Variants in GALR2 observed in about 807,000 individuals in gnomAD.
GALR2 encodes galanin receptor type 2.
A neutral mutation model predicts 7.2 loss-of-function variants in GALR2; 5 were observed. The ratio of observed to expected loss-of-function variants is 0.69; its 90% CI spans 0.36 to 1.45. The LOEUF (loss-of-function observed/expected upper bound fraction) is 1.45, where lower values mean the gene tolerates loss of function less well. Among genes scored for constraint, GALR2 ranks in the 40% most tolerant of loss-of-function variants. GALR2 has a pLI of 0.03. For missense variants in GALR2, 561 were observed against 555.7 expected (o/e 1.01, Z -0.10); for synonymous variants, 300 against 263.9 (o/e 1.14, Z -1.32).
chr17:76,076,418 C>T lies in GALR2; in HGVS notation c.369-218C>T, dbSNP rs1384973917. ...GGCACACCTTTCCTGCTGCCGGGCC[C>T]GCCCCATTTCCAGGCTCCGCTGAGT... On this transcript the variant is annotated intron_variant, in intron 1 of 1. Transcript: ENST00000329003. The surrounding 1 kb of genome is among the most constrained non-coding windows in gnomAD (Gnocchi z 6.5). 6.6e-6 allele frequency among the ~76,000 whole-genome samples: 1 copy of T among 152,226 alleles called. No individual in the cohort carries two copies. The highest frequency in any genetic ancestry group is 2.4e-5 in the African/African-American group (1 of 41,464).
At position 76,075,117 on chromosome 17, in the gene GALR2, C is replaced by T. The variant is rs1337056443; in HGVS notation, c.234C>T (p.Cys78=). The change falls in exon 1 of 2, where the codon TGC becomes TGT. Residue 78 remains cysteine (C), a synonymous_variant. Coordinates refer to ENST00000329003, the MANE Select transcript of GALR2 (RefSeq NM_003857.4). This position sits in a 1 kb window ranked among gnomAD's most constrained non-coding sequence, Gnocchi z 5.9. ...CCGACCTGTGTTTCATCCTGTGCTGCGTGCCCTTCCAGGCCACCATCTACA... is the reference window on the plus strand; with the variant it reads ...CCGACCTGTGTTTCATCCTGTGCTGTGTGCCCTTCCAGGCCACCATCTACA... ...GVADLCFILC[C]VPFQATIYTL... 9 of 1,611,426 alleles carry T rather than the reference C, an allele frequency of 5.6e-6. No individual in the cohort carries two copies. Among genetic ancestry groups the T allele is most frequent in the African/African-American group, 1.3e-5 (1 of 74,492 alleles).
chr17:76,072,152 C>G (rs955468532), upstream of GALR2: 5 of 1,416,328 alleles, frequency 3.5e-6, no homozygotes, highest in Middle Eastern at 2.2e-4. The surrounding 1 kb of genome is among the most constrained non-coding windows in gnomAD (Gnocchi z 4.5). Context: ...AGACAGACCC[C>G]CCCCGGAATT....
chr17:76,074,307 C>T (rs1304086750), upstream of GALR2, among the ~76,000 whole-genome samples: 1 of 152,216 alleles, frequency 6.6e-6, no homozygotes, highest in Non-Finnish European at 1.5e-5. This position sits in a 1 kb window ranked among gnomAD's most constrained non-coding sequence, Gnocchi z 6.7. Flanking sequence ...AAGAGCCAGA[C>T]TCCGGGGCCC....
upstream of GALR2, chr17:76,072,584 AG>A: frequency 1.5e-5 from 23 of 1,488,468 alleles, no homozygotes; most frequent in Non-Finnish European, 1.9e-5. This position sits in a 1 kb window ranked among gnomAD's most constrained non-coding sequence, Gnocchi z 4.5. Flanking sequence ...CTGATGGGAT[AG>A]CGGCGGACTC....
At chr17:76,072,150 C>A (rs576575690), upstream of GALR2, 10 of 1,400,800 alleles carry the variant, frequency 7.1e-6, no homozygotes, top group Non-Finnish European at 9.6e-6. The surrounding 1 kb of genome is among the most constrained non-coding windows in gnomAD (Gnocchi z 4.5). Flanking sequence ...AGAGACAGAC[C>A]CCCCCCGGAA....
At chr17:76,073,797 T>C (rs912505301), upstream of GALR2, among the ~76,000 whole-genome samples, 1 of 151,352 alleles carries the variant, frequency 6.6e-6, no homozygotes, top group Non-Finnish European at 1.5e-5. Context: ...CCTGACACAA[T>C]AGATGCTCAG....
chr17:76,072,150 C>CT (rs2066857786), upstream of GALR2: 1 of 1,400,918 alleles, frequency 7.1e-7, no homozygotes. The surrounding 1 kb of genome is among the most constrained non-coding windows in gnomAD (Gnocchi z 4.5). Flanking sequence ...AGAGACAGAC[C>CT]CCCCCCGGAA....
In GALR2 at chr17:76,076,687, A is replaced by C. The variant is rs2066890260; in HGVS notation, c.420A>C (p.Arg140=). Residue 140 remains arginine (R), a synonymous_variant, in exon 2 of 2, where the codon CGA becomes CGC. Transcript: ENST00000329003. This position sits in a 1 kb window ranked among gnomAD's most constrained non-coding sequence, Gnocchi z 6.5. ...PLHSRELRTP[R]NALAAIGLIW... ...ACTCCCGCGAGCTGCGCACGCCTCG[A>C]AACGCGCTGGCAGCCATCGGGCTCA... The C allele has an allele frequency of 1.7e-5, 27 of 1,601,078 alleles. No homozygotes were observed. The highest frequency in any genetic ancestry group is 2.3e-5 in the Non-Finnish European group (27 of 1,178,576).
Position 76,076,618 on chromosome 17 carries a change from T to C in GALR2, c.369-18T>C, listed in dbSNP as rs1298513128. On this transcript the variant is annotated intron_variant, in intron 1 of 1. Transcript: ENST00000329003. The surrounding 1 kb of genome is among the most constrained non-coding windows in gnomAD (Gnocchi z 6.5). Reference sequence around the variant, plus strand: ...TGTGCCCGCTCAGCCGACGTCTCCCTTCCCGGTCTGACCGCAGGTATCTGG... The same window carrying C: ...TGTGCCCGCTCAGCCGACGTCTCCCCTCCCGGTCTGACCGCAGGTATCTGG... 6.5e-7 allele frequency: 1 copy of C among 1,546,712 alleles called. No homozygotes were observed. Among genetic ancestry groups the C allele is most frequent in the Admixed American group, 1.8e-5 (1 of 57,014 alleles).
upstream of GALR2, chr17:76,072,073 T>C (rs2066857031): frequency 1.4e-6 from 1 of 735,040 alleles, no homozygotes; most frequent in Non-Finnish European, 2.1e-6. This position sits in a 1 kb window ranked among gnomAD's most constrained non-coding sequence, Gnocchi z 4.5. Context: ...CTGCCTGATA[T>C]CCCAGTGCCA....
At chr17:76,072,954 T>TG (rs1344268334), upstream of GALR2, among the ~76,000 whole-genome samples, 3 of 152,364 alleles carry the variant, frequency 2.0e-5, no homozygotes, top group East Asian at 5.8e-4. The surrounding 1 kb of genome is among the most constrained non-coding windows in gnomAD (Gnocchi z 4.5). Context: ...CGCCTCTGCC[T>TG]GCCCTTTCCT....
At chr17:76,072,420 G>GCCGCCA, upstream of GALR2, 1 of 1,583,734 alleles carries the variant, frequency 6.3e-7, no homozygotes, top group Non-Finnish European at 8.6e-7. This position sits in a 1 kb window ranked among gnomAD's most constrained non-coding sequence, Gnocchi z 4.5. Flanking sequence ...CGCTACCGCC[G>GCCGCCA]CCGCCACTGC....
upstream of GALR2, chr17:76,072,461 C>A: frequency 6.3e-7 from 1 of 1,582,484 alleles, no homozygotes; most frequent in Non-Finnish European, 8.5e-7. The surrounding 1 kb of genome is among the most constrained non-coding windows in gnomAD (Gnocchi z 4.5). Context: ...CCGCCGCCGC[C>A]GCCGCCTGGG....
Position 76,077,012 on chromosome 17 carries a change from T to C in GALR2, c.745T>C (p.Trp249Arg). 1.1e-5 allele frequency: 17 copies of C among 1,611,656 alleles called. No homozygotes were observed. Among genetic ancestry groups the C allele is most frequent in the Non-Finnish European group, 1.4e-5 (17 of 1,179,874 alleles). The stretch of plus-strand genomic sequence containing the variant: ...CGTGGCCGCGCTCTTCTGCCTCTGC[T>C]GGATGCCCCACCACGCGCTCATCCT... ...LIVAALFCLC[W>R]MPHHALILCV... The change falls in exon 2 of 2, where the codon TGG becomes CGG. Residue 249 changes from tryptophan to arginine, a missense_variant. Physicochemically the swap from Trp to Arg is moderately radical, Grantham distance 101. Coordinates refer to ENST00000329003, the MANE Select transcript of GALR2 (RefSeq NM_003857.4).
upstream of GALR2, chr17:76,072,627 C>A: frequency 6.9e-7 from 1 of 1,443,102 alleles, no homozygotes; most frequent in Non-Finnish European, 9.0e-7. The surrounding 1 kb of genome is among the most constrained non-coding windows in gnomAD (Gnocchi z 4.5). Flanking sequence ...CAGCAGGGCG[C>A]CATGTGCTGG....
chr17:76,077,386 G>A lies in GALR2; in HGVS notation c.1119G>A (p.Gln373=). The A allele has an allele frequency of 6.8e-7, 1 of 1,479,266 alleles. No individual in the cohort carries two copies. Among genetic ancestry groups the A allele is most frequent in the Non-Finnish European group, 8.9e-7 (1 of 1,122,150 alleles). 91.6% of individuals were successfully genotyped at this position (1,479,266 alleles called of 1,614,324 possible). A position where few individuals can be genotyped will look rare whatever the true frequency, so the allele number is the denominator to read the frequency against. Residue 373 remains glutamine (Q), a synonymous_variant, in exon 2 of 2, where the codon CAG becomes CAA. Transcript: ENST00000329003. Reference sequence around the variant, plus strand: ...AGCCCTGTCCTGGCCCGTCCTGGCAGGGCCCAAAGGCAGGCGACAGCATCC... The same window carrying A: ...AGCCCTGTCCTGGCCCGTCCTGGCAAGGCCCAAAGGCAGGCGACAGCATCC... ...ILEPCPGPSW[Q]GPKAGDSILT...
rs2066894263 is a variant in GALR2, at chr17:76,077,122, C to G, written c.855C>G (p.Ser285=). 1 of 1,612,908 alleles carries G rather than the reference C, an allele frequency of 6.2e-7. No individual in the cohort carries two copies. Among genetic ancestry groups the G allele is most frequent in the South Asian group, 1.1e-5 (1 of 91,078 alleles). ...CGCACCTGGTCTCCTACGCCAACTC[C>G]TGCGTCAACCCCATCGTTTACGCGC... is the stretch of plus-strand genomic sequence containing the variant. ...ILSHLVSYAN[S]CVNPIVYALV... Residue 285 remains serine, a synonymous_variant, in exon 2 of 2, where the codon TCC becomes TCG. Transcript: ENST00000329003.
chr17:76,076,058 A>G lies in GALR2; in HGVS notation c.369-578A>G, dbSNP rs1007582845. On this transcript the variant is annotated intron_variant, in intron 1 of 1. Transcript: ENST00000329003. This position sits in a 1 kb window ranked among gnomAD's most constrained non-coding sequence, Gnocchi z 6.5. ...TCCCCTCTCCATCCTCTGGAAAAAC[A>G]GAGAGGCGAGGCCAGACTGCCCCCA... Among the ~76,000 whole-genome samples the G allele has an allele frequency of 2.0e-5, 3 of 152,338 alleles. No individual in the cohort carries two copies. The highest frequency in any genetic ancestry group is 3.4e-3 in the Middle Eastern group (1 of 294).
Position 76,074,864 on chromosome 17 carries a change from G to A in GALR2, c.-20G>A. The A allele has an allele frequency of 6.7e-7, 1 of 1,488,190 alleles. No homozygotes were observed. The highest frequency in any genetic ancestry group is 8.9e-7 in the Non-Finnish European group (1 of 1,123,350). The allele number at this position is 1,488,190 out of a possible 1,614,324, so 92.2% of individuals were successfully genotyped here. A position where few individuals can be genotyped will look rare whatever the true frequency, so the allele number is the denominator to read the frequency against. On this transcript the variant is annotated 5_prime_UTR_variant, in exon 1 of 2. Transcript: ENST00000329003. This position sits in a 1 kb window ranked among gnomAD's most constrained non-coding sequence, Gnocchi z 6.7. ...CCAGACGGCTGCAGGAGCCCGGGCA[G>A]CCTCGGGGTCAGCGGCACCATGAAC... is the stretch of plus-strand genomic sequence containing the variant.
Sources: gnomAD v4.1 joint callset for allele counts (sites outside exome capture counted in the v4.1 genomes callset) on GRCh38, gnomAD v4.1.1 for gene constraint, Gnocchi (gnomAD v3.1) non-coding constraint, MANE v1.5 for transcripts, NCBI Gene and HGNC (gene_info 2026-07-23, HGNC 2026-07-21) for gene names.